PHLPP1: variants seen among roughly 807,000 people sequenced by gnomAD.
The protein encoded by PHLPP1 is PH domain leucine-rich repeat-containing protein phosphatase 1.
Under a neutral mutation model 117.2 loss-of-function variants are expected in PHLPP1, and 42 were observed. The ratio of observed to expected loss-of-function variants is 0.36; its 90% CI spans 0.28 to 0.46. PHLPP1 has a LOEUF of 0.46. Among genes scored for constraint, PHLPP1 ranks in the 20% least tolerant of loss-of-function variants. PHLPP1 has a pLI of 1.00. For synonymous variants in PHLPP1, 1,042 were observed against 970.7 expected (o/e 1.07, Z -1.37); for missense variants, 2,084 against 2,241.9 (o/e 0.93, Z 1.42).
chr18:62,743,044 T>G (rs1185712814), intron 1 of PHLPP1, among the ~76,000 whole-genome samples: 2 of 152,170 alleles, frequency 1.3e-5, no homozygotes, highest in African/African-American at 4.8e-5. Flanking sequence ...TAGGGAGACA[T>G]TAAATGAAAT....
In PHLPP1 at chr18:62,762,206, A is replaced by T. The variant is rs547071627; in HGVS notation, c.1576+44947A>T. On this transcript the variant is annotated intron_variant, in intron 1 of 16. Transcript: ENST00000262719. ...TTTTGATGTACTTTGTATCTAGTTC[A>T]GGTCGTCACTCATCTGTATTGAACA... Among the ~76,000 whole-genome samples, 108 of 151,928 alleles carry T rather than the reference A, an allele frequency of 7.1e-4. 1 individual carries two copies. The highest frequency in any genetic ancestry group is 4.1e-4 in the South Asian group (2 of 4,822).
chr18:62,849,166 A>G (rs1915257491), intron 3 of PHLPP1, among the ~76,000 whole-genome samples: 1 of 152,204 alleles, frequency 6.6e-6, no homozygotes, highest in Non-Finnish European at 1.5e-5. Flanking sequence ...AAGAAATCTG[A>G]GATGCTTTCT....
chr18:62,786,208 G>T (rs1913279171), intron 1 of PHLPP1, among the ~76,000 whole-genome samples: 1 of 152,180 alleles, frequency 6.6e-6, no homozygotes, highest in African/African-American at 2.4e-5. Flanking sequence ...TGCAGTGTAA[G>T]GAGTAATAGG....
intron 12 of PHLPP1, among the ~76,000 whole-genome samples, chr18:62,952,801 T>G (rs901084380): frequency 1.3e-5 from 2 of 152,152 alleles, no homozygotes; most frequent in Non-Finnish European, 2.9e-5. Flanking sequence ...TTCTTAAAAT[T>G]TATGCGGAGA....
chr18:62,719,392 A>G (rs1362475031), intron 1 of PHLPP1, among the ~76,000 whole-genome samples: 2 of 152,212 alleles, frequency 1.3e-5, no homozygotes, highest in East Asian at 3.8e-4. Context: ...TGTATGGTGA[A>G]TCCACTTGAA....
intron 4 of PHLPP1, among the ~76,000 whole-genome samples, chr18:62,867,462 A>C (rs1915797579): frequency 6.6e-6 from 1 of 152,214 alleles, no homozygotes; most frequent in Non-Finnish European, 1.5e-5. Flanking sequence ...CCTGGAACTT[A>C]TTCACAGCTA....
chr18:62,761,985 G>A (rs1395320379), intron 1 of PHLPP1, among the ~76,000 whole-genome samples: 1 of 152,116 alleles, frequency 6.6e-6, no homozygotes, highest in African/African-American at 2.4e-5. Flanking sequence ...ATAATTAGAT[G>A]ATCTTAAACC....
At chr18:62,871,635 G>C (rs1310908459) in intron 4 of PHLPP1, among the ~76,000 whole-genome samples, 1 of 141,628 alleles carries the variant, frequency 7.1e-6, no homozygotes, top group Non-Finnish European at 1.5e-5. Flanking sequence ...GCCAAATTTA[G>C]CTCTGAAAAT....
chr18:62,817,668 T>C (rs1482460044), intron 1 of PHLPP1, among the ~76,000 whole-genome samples: 3 of 151,764 alleles, frequency 2.0e-5, no homozygotes, highest in Non-Finnish European at 4.4e-5. Context: ...AAATTTAAAA[T>C]AATGGCTGAA....
At chr18:62,905,203 G>GT in intron 7 of PHLPP1, 21 bp from the exon 8 acceptor site, 3 of 1,444,518 alleles carry the variant, frequency 2.1e-6, no homozygotes, top group South Asian at 1.5e-5. Flanking sequence ...GTCTTTGTGG[G>GT]GTTTTTTTTT....
At chr18:62,931,205 A>ACAAC (rs1555682659) in intron 10 of PHLPP1, among the ~76,000 whole-genome samples, 1,652 of 148,566 alleles carry the variant, frequency 0.011, 23 homozygotes, top group African/African-American at 0.023. Context: ...TAAAAAAAAA[A>ACAAC]AACAACAACA....
At chr18:62,963,515 G>A in intron 14 of PHLPP1, 43 bp downstream of exon 14, 2 of 1,222,150 alleles carry the variant, frequency 1.6e-6, no homozygotes, top group South Asian at 2.5e-5. Flanking sequence ...CCTCCTGCCT[G>A]TCTCACTCCT....
At position 62,766,077 on chromosome 18, in the gene PHLPP1, ATATATATATAT is replaced by A. The variant is rs1427290390; in HGVS notation, c.1576+48819_1576+48829del. 1.6e-3 allele frequency among the ~76,000 whole-genome samples: 34 copies of A among 20,986 alleles called. 3 individuals carry two copies. The highest frequency in any genetic ancestry group is 3.1e-3 in the Non-Finnish European group (31 of 9,864). 13.8% of individuals were successfully genotyped at this position (20,986 alleles called of 152,430 possible). On this transcript the variant is annotated intron_variant, in intron 1 of 16. Coordinates refer to ENST00000262719, the MANE Select transcript of PHLPP1 (RefSeq NM_194449.4). ...CTCCATCTCAAAAAAAAAAAAAAAA[ATATATATATAT>A]ATATATATATATATAAAATATATAT... is the stretch of plus-strand genomic sequence containing the variant.
chr18:62,721,244 T>G (rs1910906907), intron 1 of PHLPP1, among the ~76,000 whole-genome samples: 1 of 152,206 alleles, frequency 6.6e-6, no homozygotes, highest in African/African-American at 2.4e-5. Flanking sequence ...GAAAGAGTAC[T>G]GAAGTGTTCT....
chr18:62,864,075 G>T (rs1915705665), intron 4 of PHLPP1, among the ~76,000 whole-genome samples: 1 of 151,972 alleles, frequency 6.6e-6, no homozygotes, highest in East Asian at 1.9e-4. Flanking sequence ...AGACTGGAGT[G>T]CAGTGGCACA....
At chr18:62,917,924 G>A (rs111473764) in intron 9 of PHLPP1, among the ~76,000 whole-genome samples, 1 of 152,206 alleles carries the variant, frequency 6.6e-6, no homozygotes, top group African/African-American at 2.4e-5. Flanking sequence ...GTTTGACAGG[G>A]CCAGGCACAG....
chr18:62,860,646 A>G lies in PHLPP1; in HGVS notation c.2066+45A>G, dbSNP rs957408746. ...TAGATCATTAGGAAGGGGTGGGGGC[A>G]GAATGAACTTCTGCTTGTTATCTCT... On this transcript the variant is annotated intron_variant, in intron 4 of 16. Coordinates refer to ENST00000262719, the MANE Select transcript of PHLPP1 (RefSeq NM_194449.4). 6.1e-6 allele frequency: 9 copies of G among 1,474,754 alleles called. No homozygotes were observed. The Admixed American group carries it at 1.4e-4, about 22-fold the overall frequency. 91.4% of individuals were successfully genotyped at this position (1,474,754 alleles called of 1,614,324 possible). A position where few individuals can be genotyped will look rare whatever the true frequency, so the allele number is the denominator to read the frequency against.
chr18:62,772,990 A>T (rs560331642), intron 1 of PHLPP1, among the ~76,000 whole-genome samples: 1 of 152,046 alleles, frequency 6.6e-6, no homozygotes, highest in East Asian at 1.9e-4. Flanking sequence ...ATTGAGTACA[A>T]TGGACCTTTA....
Position 62,941,844 on chromosome 18 carries a change from G to A in PHLPP1, c.3087G>A (p.Val1029=). The change falls in exon 11 of 17, where the codon GTG becomes GTA. Residue 1029 remains valine (V), a synonymous_variant. Coordinates refer to ENST00000262719, the MANE Select transcript of PHLPP1 (RefSeq NM_194449.4). ...LTNNSLTDKC[V]PLLTGHPHLK... ...ATAACAGCCTCACAGACAAATGTGT[G>A]CCCTTGTTAACGGGACACCCCCATT... 6.2e-7 allele frequency: 1 copy of A among 1,613,980 alleles called. No homozygotes were observed. The highest frequency in any genetic ancestry group is 1.1e-5 in the South Asian group (1 of 91,078).
Sources: gnomAD v4.1 joint callset for allele counts (sites outside exome capture counted in the v4.1 genomes callset) on GRCh38, gnomAD v4.1.1 for gene constraint, MANE v1.5 for transcripts, NCBI Gene and HGNC (gene_info 2026-07-23, HGNC 2026-07-21) for gene names.